OTUD7A: variants seen among roughly 807,000 people sequenced by gnomAD.
OTUD7A encodes the protein OTU deubiquitinase 7A, also known as OTU domain-containing protein 7A.
OTUD7A carries 12 observed loss-of-function variants against 65.7 expected under a neutral mutation model. That is an observed-to-expected ratio of 0.18 (90% CI 0.12 to 0.30). The LOEUF (loss-of-function observed/expected upper bound fraction) is 0.30, where lower values mean the gene tolerates loss of function less well. OTUD7A is among the 10% of genes least tolerant of loss of function. The probability of loss-of-function intolerance (pLI) is 1.00; values close to 1 mark genes in which losing one functional copy is unlikely to be tolerated. For synonymous variants in OTUD7A, 641 were observed against 586.3 expected (o/e 1.09, Z -1.35); for missense variants, 1,148 against 1,304.8 (o/e 0.88, Z 1.85).
intron 1 of OTUD7A, among the ~76,000 whole-genome samples, chr15:31,828,567 AT>A (rs1896854963): frequency 6.6e-6 from 1 of 152,192 alleles, no homozygotes; most frequent in Non-Finnish European, 1.5e-5. Context: ...GTTTTTCTGC[AT>A]GCTTGTTCTT....
chr15:31,677,971 A>G (rs574945639), intron 1 of OTUD7A, among the ~76,000 whole-genome samples: 4 of 152,362 alleles, frequency 2.6e-5, no homozygotes, highest in African/African-American at 9.6e-5. Flanking sequence ...GCTGACAGTG[A>G]GATGGACAAT....
At chr15:31,790,596 AC>A (rs1895787976) in intron 1 of OTUD7A, among the ~76,000 whole-genome samples, 1 of 152,268 alleles carries the variant, frequency 6.6e-6, no homozygotes, top group Non-Finnish European at 1.5e-5. Flanking sequence ...TGGGCAGGGC[AC>A]AAGTCCAACC....
At chr15:31,621,593 T>A (rs1444188743) in intron 3 of OTUD7A, among the ~76,000 whole-genome samples, 1 of 79,046 alleles carries the variant, frequency 1.3e-5, no homozygotes, top group Non-Finnish European at 2.4e-5. Context: ...AACCCCTACC[T>A]TTTTTTTTGT....
chr15:31,676,005 C>G (rs1462314974), intron 1 of OTUD7A, among the ~76,000 whole-genome samples: 2 of 151,998 alleles, frequency 1.3e-5, no homozygotes, highest in African/African-American at 4.8e-5. Flanking sequence ...TGGAAGCTGA[C>G]AAACAGTTTC....
chr15:31,618,989 A>G (rs1314986531), intron 3 of OTUD7A, among the ~76,000 whole-genome samples: 3 of 152,228 alleles, frequency 2.0e-5, no homozygotes, highest in African/African-American at 7.2e-5. Flanking sequence ...AGCTTTCTAC[A>G]TATGGCTAGC....
intron 1 of OTUD7A, among the ~76,000 whole-genome samples, chr15:31,663,784 C>T (rs186918718): frequency 6.6e-6 from 1 of 152,200 alleles, no homozygotes; most frequent in East Asian, 1.9e-4. Context: ...CTGAGCAGTA[C>T]ACACAGAACC....
chr15:31,585,241 C>T (rs1889493754), intron 3 of OTUD7A, among the ~76,000 whole-genome samples: 2 of 152,224 alleles, frequency 1.3e-5, no homozygotes, highest in South Asian at 4.1e-4. Context: ...TCATTCTCCT[C>T]TGCGTAATTT....
At chr15:31,785,190 C>T (rs10519683) in intron 1 of OTUD7A, among the ~76,000 whole-genome samples, 6,086 of 152,164 alleles carry the variant, frequency 0.04, 413 homozygotes, top group African/African-American at 0.14. Context: ...TTGATGGAAC[C>T]AGACCATGCA....
intron 1 of OTUD7A, among the ~76,000 whole-genome samples, chr15:31,800,823 TG>T (rs1896102484): frequency 6.6e-6 from 1 of 152,166 alleles, no homozygotes; most frequent in African/African-American, 2.4e-5. Flanking sequence ...GATGGCTGTG[TG>T]CTTTGCTGAT....
chr15:31,531,672 A>G (rs982303597), intron 5 of OTUD7A, among the ~76,000 whole-genome samples: 2 of 151,988 alleles, frequency 1.3e-5, no homozygotes, highest in African/African-American at 2.4e-5. Flanking sequence ...TAACCCGACC[A>G]CCACCCCTGC....
chr15:31,834,090 G>C (rs1252965650), intron 1 of OTUD7A, among the ~76,000 whole-genome samples: 1 of 152,224 alleles, frequency 6.6e-6, no homozygotes, highest in Non-Finnish European at 1.5e-5. Context: ...ATATTCTTTA[G>C]CTTTTGCTTT....
intron 3 of OTUD7A, among the ~76,000 whole-genome samples, chr15:31,623,497 T>C (rs1890862134): frequency 6.6e-6 from 1 of 152,364 alleles, no homozygotes; most frequent in South Asian, 2.1e-4. Flanking sequence ...ACTGCCGCCT[T>C]GCAGTTTGAT....
At chr15:31,763,237 C>T (rs1449469119) in intron 1 of OTUD7A, among the ~76,000 whole-genome samples, 2 of 152,076 alleles carry the variant, frequency 1.3e-5, no homozygotes, top group East Asian at 1.9e-4. Context: ...GAGCAGAGAT[C>T]GTGCCACTGC....
intron 1 of OTUD7A, among the ~76,000 whole-genome samples, chr15:31,739,977 G>A (rs1213319050): frequency 6.6e-6 from 1 of 152,202 alleles, no homozygotes; most frequent in African/African-American, 2.4e-5. Context: ...TTTCTAAAAG[G>A]GGCAGACCCG....
intron 1 of OTUD7A, among the ~76,000 whole-genome samples, chr15:31,833,782 C>T (rs1022058729): frequency 3.2e-4 from 48 of 152,322 alleles, no homozygotes; most frequent in African/African-American, 1.1e-3. Flanking sequence ...TCATTACAAA[C>T]AAGATTTTAA....
chr15:31,799,171 C>G (rs1010808402), intron 1 of OTUD7A, among the ~76,000 whole-genome samples: 4 of 152,104 alleles, frequency 2.6e-5, no homozygotes, highest in African/African-American at 9.7e-5. Context: ...AGCAAAGACA[C>G]GGGAGAGGAG....
intron 1 of OTUD7A, chr15:31,766,125 G>A: frequency 7.0e-7 from 1 of 1,433,018 alleles, no homozygotes; most frequent in East Asian, 2.3e-5. Context: ...CAAGTAAGAG[G>A]GTACTTGAAG....
intron 3 of OTUD7A, 44 bp downstream of exon 3, chr15:31,655,052 T>C (rs1458285509): frequency 1.9e-6 from 3 of 1,596,008 alleles, no homozygotes; most frequent in South Asian, 2.3e-5. Context: ...TGGAAGGTGG[T>C]TATGCCCAGA....
chr15:31,763,296 A>G (rs1021730718), intron 1 of OTUD7A, among the ~76,000 whole-genome samples: 1 of 152,290 alleles, frequency 6.6e-6, no homozygotes, highest in African/African-American at 2.4e-5. Context: ...AACAACAACA[A>G]CAACAACAAC....
Sources: allele counts gnomAD v4.1 joint callset (sites outside exome capture counted in the v4.1 genomes callset), GRCh38; gene constraint gnomAD v4.1.1; transcripts MANE v1.5; gene names NCBI Gene and HGNC (gene_info 2026-07-23, HGNC 2026-07-21).